Variants in FOCAD observed in about 807,000 individuals in gnomAD.
FOCAD encodes focadhesin.
Under a neutral mutation model 225.6 loss-of-function variants are expected in FOCAD, and 198 were observed. That is an observed-to-expected ratio of 0.88 (90% CI 0.78 to 0.99). The LOEUF is 0.99. Ranked by LOEUF, FOCAD falls within the 50% of genes least tolerant of loss-of-function variation. The pLI is 0.00. For missense variants in FOCAD, 2,713 were observed against 2,123.6 expected (o/e 1.28, Z -5.46); for synonymous variants, 897 against 755.0 (o/e 1.19, Z -3.08).
At chr9:20,741,898 C>T (rs939641992) in intron 5 of FOCAD, among the ~76,000 whole-genome samples, 4 of 151,860 alleles carry the variant, frequency 2.6e-5, no homozygotes, top group Non-Finnish European at 5.9e-5. Context: ...TTAAGATGGG[C>T]TTATTTATTT....
At chr9:20,981,733 A>T (rs769766713) in intron 38 of FOCAD, 47 bp downstream of exon 38, 5 of 1,569,006 alleles carry the variant, frequency 3.2e-6, no homozygotes, top group Non-Finnish European at 4.3e-6. Context: ...TGTTTGGGAT[A>T]TTTTAAAGGC....
chr9:20,961,456 A>C (rs1838721758), intron 35 of FOCAD, among the ~76,000 whole-genome samples: 1 of 151,992 alleles, frequency 6.6e-6, no homozygotes, highest in Non-Finnish European at 1.5e-5. Context: ...TGTAATAGAT[A>C]CTCCAGGTTT....
chr9:20,866,888 C>CTT (rs10629839), intron 17 of FOCAD, 41 bp from the exon 18 acceptor site: 6,143 of 341,536 alleles, frequency 0.018, 1,535 homozygotes, highest in African/African-American at 0.083. Context: ...TGTTTGCTTG[C>CTT]TTTTTTTTTT....
chr9:20,881,553 T>C (rs1240987569), intron 19 of FOCAD, among the ~76,000 whole-genome samples: 2 of 152,068 alleles, frequency 1.3e-5, no homozygotes, highest in Non-Finnish European at 1.5e-5. Context: ...CAAAAGATAA[T>C]AAGTAGATAA....
At chr9:20,845,456 T>C (rs899267591) in intron 15 of FOCAD, among the ~76,000 whole-genome samples, 14 of 148,370 alleles carry the variant, frequency 9.4e-5, no homozygotes, top group Non-Finnish European at 1.3e-4. Context: ...TATATATATA[T>C]ATATATATAT....
intron 33 of FOCAD, 98 bp from the exon 34 acceptor site, chr9:20,950,898 C>G (rs373095089): frequency 6.7e-5 from 67 of 1,001,824 alleles, no homozygotes; most frequent in East Asian, 2.9e-4. Context: ...AGCCAAGCCA[C>G]CACCTCCTAA....
In FOCAD at chr9:20,907,143, C is replaced by T. The variant is rs201638336; in HGVS notation, c.2626-7C>T. On this transcript the variant is annotated splice_polypyrimidine_tract_variant and splice_region_variant and intron_variant, in intron 21 of 43. Coordinates refer to ENST00000338382, the MANE Select transcript of FOCAD (RefSeq NM_001375567.1). The stretch of plus-strand genomic sequence containing the variant: ...GCCTAATATGTTGTGGTACATTTTT[C>T]CCATAGGTTCATATCCAGCTTTCAG... 2.2e-4 allele frequency: 357 copies of T among 1,608,716 alleles called. 5 individuals are homozygous for T. The East Asian group carries it at 7.8e-3, about 35-fold the overall frequency.
chr9:20,906,434 A>G (rs1832985156), intron 21 of FOCAD, among the ~76,000 whole-genome samples: 1 of 151,758 alleles, frequency 6.6e-6, no homozygotes, highest in Admixed American at 6.6e-5. Flanking sequence ...GTTTTTCTTG[A>G]TTGATCTTTC....
At chr9:20,770,522 A>G (rs1818108252) in intron 8 of FOCAD, among the ~76,000 whole-genome samples, 1 of 152,198 alleles carries the variant, frequency 6.6e-6, no homozygotes, top group Non-Finnish European at 1.5e-5. Context: ...TCACTATCAC[A>G]AGAACAGCAC....
rs531946011 is a variant in FOCAD, at chr9:20,759,199, C to T, written c.494+1008C>T. ...TGAAAATGGCCATACTGCCCAAGGC[C>T]ATTAAAAACTACTTTAAAGTTCATA... On this transcript the variant is annotated intron_variant, in intron 6 of 43. Coordinates refer to ENST00000338382, the MANE Select transcript of FOCAD (RefSeq NM_001375567.1). 2.3e-3 allele frequency among the ~76,000 whole-genome samples: 346 copies of T among 151,672 alleles called. 2 individuals are homozygous for T. The highest frequency in any genetic ancestry group is 8.2e-3 in the African/African-American group (338 of 41,422).
intron 5 of FOCAD, among the ~76,000 whole-genome samples, chr9:20,749,536 T>A (rs1316879227): frequency 6.6e-6 from 1 of 152,200 alleles, no homozygotes. Context: ...TAAAAAAATC[T>A]CTTTTTAGCT....
chr9:20,946,697 T>C lies in FOCAD; in HGVS notation c.3556-4T>C. The C allele has an allele frequency of 6.2e-7, 1 of 1,607,416 alleles. No individual in the cohort carries two copies. Among genetic ancestry groups the C allele is most frequent in the Non-Finnish European group, 8.5e-7 (1 of 1,177,610 alleles). On this transcript the variant is annotated splice_polypyrimidine_tract_variant and splice_region_variant and intron_variant, in intron 29 of 43. Transcript: ENST00000338382. ...CATATTTTTCTGCTGTATTTTCTTC[T>C]CAGGTCCTTGCCTACACACTTAGCT... is the stretch of plus-strand genomic sequence containing the variant.
chr9:20,769,514 T>C (rs1817969049), intron 7 of FOCAD, among the ~76,000 whole-genome samples: 1 of 152,242 alleles, frequency 6.6e-6, no homozygotes, highest in African/African-American at 2.4e-5. Context: ...GAGAAGACAC[T>C]CTACCATTTG....
chr9:20,703,942 C>G (rs1220480671), intron 1 of FOCAD, among the ~76,000 whole-genome samples: 1 of 152,222 alleles, frequency 6.6e-6, no homozygotes. Context: ...GTTCCCTCCT[C>G]CCTTTAGCCC....
At chr9:20,947,704 A>G (rs548229417) in intron 30 of FOCAD, among the ~76,000 whole-genome samples, 37 of 152,292 alleles carry the variant, frequency 2.4e-4, no homozygotes, top group African/African-American at 8.7e-4. Flanking sequence ...CTGATTACAC[A>G]TGCTATAGAA....
chr9:20,792,309 G>A (rs1820619101), intron 11 of FOCAD, among the ~76,000 whole-genome samples: 1 of 152,152 alleles, frequency 6.6e-6, no homozygotes, highest in African/African-American at 2.4e-5. Flanking sequence ...TAAAATAAAA[G>A]TGTAAATAGT....
At chr9:20,940,880 A>G (rs1282355110) in intron 28 of FOCAD, among the ~76,000 whole-genome samples, 1 of 152,170 alleles carries the variant, frequency 6.6e-6, no homozygotes, top group Admixed American at 6.5e-5. Context: ...ACACATTTCA[A>G]TAGAAGGAAA....
chr9:20,795,658 C>T (rs377634149), intron 11 of FOCAD, among the ~76,000 whole-genome samples: 187 of 151,738 alleles, frequency 1.2e-3, no homozygotes, highest in South Asian at 9.8e-3. Context: ...GTGGCGGGTG[C>T]CTGTAGTCCC....
At chr9:20,841,580 G>C (rs1826531601) in intron 15 of FOCAD, among the ~76,000 whole-genome samples, 1 of 151,642 alleles carries the variant, frequency 6.6e-6, no homozygotes, top group Non-Finnish European at 1.5e-5. Context: ...CTGATACTTT[G>C]AATTTCTGCA....
Sources: allele counts gnomAD v4.1 joint callset (sites outside exome capture counted in the v4.1 genomes callset), GRCh38; gene constraint gnomAD v4.1.1; transcripts MANE v1.5; gene names NCBI Gene and HGNC (gene_info 2026-07-23, HGNC 2026-07-21).